DLGAP5: variants seen among roughly 807,000 people sequenced by gnomAD.
DLGAP5 encodes DLG associated protein 5, also known as disks large-associated protein 5.
A neutral mutation model predicts 99.6 loss-of-function variants in DLGAP5; 90 were observed. That is an observed-to-expected ratio of 0.90 (90% CI 0.76 to 1.08). The LOEUF is 1.08. DLGAP5 is among the 50% of genes least tolerant of loss of function. DLGAP5 has a pLI of 0.00. For synonymous variants in DLGAP5, 311 were observed against 321.3 expected, an observed-to-expected ratio of 0.97 and a Z score of 0.34; for missense variants, 1,036 against 983.5, an observed-to-expected ratio of 1.05 and a Z score of -0.71.
intron 14 of DLGAP5, among the ~76,000 whole-genome samples, chr14:55,155,964 G>A (rs1298752093): frequency 5.3e-5 from 8 of 151,866 alleles, no homozygotes; most frequent in Admixed American, 2.0e-4. Flanking sequence ...GGTGGCAGGC[G>A]CCTGTAGTCC....
chr14:55,160,199 T>C (rs910429780), intron 13 of DLGAP5, among the ~76,000 whole-genome samples: 3 of 151,048 alleles, frequency 2.0e-5, no homozygotes, highest in Non-Finnish European at 4.4e-5. Context: ...CTAGACTCTA[T>C]CTCAAAAAAT....
chr14:55,157,071 C>A (rs938110691), intron 14 of DLGAP5, among the ~76,000 whole-genome samples: 4 of 152,148 alleles, frequency 2.6e-5, no homozygotes, highest in African/African-American at 9.7e-5. Context: ...CCAAAAGACT[C>A]CAGTAAGAAT....
intron 2 of DLGAP5, among the ~76,000 whole-genome samples, chr14:55,184,026 A>G (rs1883355480): frequency 6.6e-6 from 1 of 151,996 alleles, no homozygotes; most frequent in South Asian, 2.1e-4. Context: ...GGTGGCGGTC[A>G]CCTGTAATCC....
In DLGAP5 at chr14:55,170,741, C is replaced by G. The variant is rs80024343; in HGVS notation, c.1348G>C (p.Glu450Gln). 1.8e-4 allele frequency: 295 copies of G among 1,613,638 alleles called. 1 individual carries two copies. The highest frequency in any genetic ancestry group is 2.4e-4 in the Non-Finnish European group (287 of 1,179,724). ...ETEKLTSHCF[E>Q]WDRKLELDIP... ...TCCAATTCAAGTTTCCTGTCCCACT[C>G]GAAGCAATGTGAAGTTAATTTCTCA... The change falls in exon 11 of 19, where the codon GAG becomes CAG. Residue 450 changes from glutamate (E) to glutamine (Q), a missense_variant. Coordinates refer to ENST00000247191, the MANE Select transcript of DLGAP5 (RefSeq NM_014750.5).
rs574799599 is a variant in DLGAP5 at position 55,175,007 on chromosome 14, A to T, written c.1301+339T>A. The stretch of plus-strand genomic sequence containing the variant: ...CCCAGCCTATTGTCCATATTTTTTA[A>T]AAAAGAAAAAAATGTACATGTTATA... On this transcript the variant is annotated intron_variant, in intron 10 of 18. Transcript: ENST00000247191. Among the ~76,000 whole-genome samples, 13 of 152,226 alleles carry T rather than the reference A, an allele frequency of 8.5e-5. 1 individual carries two copies. In the South Asian group the frequency reaches 2.7e-3, roughly 32 times the overall value.
intron 12 of DLGAP5, among the ~76,000 whole-genome samples, chr14:55,168,166 T>A (rs116358146): frequency 0.014 from 2,083 of 152,286 alleles, 55 homozygotes; most frequent in African/African-American, 0.047. Context: ...TTGCGCAGGC[T>A]GGTCTTGAAC....
rs1182442285 is a variant in DLGAP5 at position 55,183,714 on chromosome 14, A to G, written c.278T>C (p.Met93Thr). The G allele has an allele frequency of 3.1e-6, 5 of 1,606,958 alleles. No homozygotes were observed. The highest frequency in any genetic ancestry group is 4.2e-6 in the Non-Finnish European group (5 of 1,177,262). ...KTILGDQRKQMLQKYKEEKQL... is the reference protein window; with the variant it reads ...KTILGDQRKQTLQKYKEEKQL... ...CTTTTCTTCTTTGTATTTTTGGAGC[A>G]TCTGTTTTCGTTGATCACCTAGAAT... is the stretch of plus-strand genomic sequence containing the variant. Residue 93 changes from methionine to threonine, a missense_variant, in exon 3 of 19, where the codon ATG becomes ACG. By Grantham distance (81) the Met-to-Thr change is moderately conservative. Transcript: ENST00000247191.
At chr14:55,159,081 A>AT (rs1023781674) in intron 13 of DLGAP5, among the ~76,000 whole-genome samples, 2 of 149,928 alleles carry the variant, frequency 1.3e-5, no homozygotes, top group African/African-American at 5.0e-5. Flanking sequence ...AAAAAAGTAA[A>AT]TAAAAAAAAA....
intron 14 of DLGAP5, among the ~76,000 whole-genome samples, chr14:55,157,365 A>C (rs547315279): frequency 6.6e-6 from 1 of 152,348 alleles, no homozygotes; most frequent in East Asian, 1.9e-4. Flanking sequence ...CTGGGTATCC[A>C]GGGAGTGTAG....
chr14:55,162,884 G>T, intron 13 of DLGAP5, 87 bp downstream of exon 13: 1 of 547,576 alleles, frequency 1.8e-6, no homozygotes, highest in Non-Finnish European at 3.0e-6. Context: ...ACAAGAAGTA[G>T]AAGAATCTAT....
At chr14:55,155,174 G>A (rs898923814) in intron 14 of DLGAP5, among the ~76,000 whole-genome samples, 8 of 151,804 alleles carry the variant, frequency 5.3e-5, no homozygotes, top group African/African-American at 1.9e-4. Flanking sequence ...ACAGATGCAT[G>A]CCACCACGCC....
At chr14:55,179,786 G>A (rs1883217044) in intron 6 of DLGAP5, 87 bp from the exon 7 acceptor site, 4 of 1,068,886 alleles carry the variant, frequency 3.7e-6, no homozygotes, top group Non-Finnish European at 4.1e-6. Flanking sequence ...AGAAGCAACA[G>A]TAGGAATATA....
intron 10 of DLGAP5, among the ~76,000 whole-genome samples, chr14:55,171,334 T>A (rs941183584): frequency 2.6e-5 from 4 of 151,994 alleles, no homozygotes; most frequent in Non-Finnish European, 4.4e-5. Flanking sequence ...ACTGGAGGAG[T>A]GCTACTGGCC....
At position 55,158,640 on chromosome 14, in the gene DLGAP5, C is replaced by T; in HGVS notation, c.1755G>A (p.Glu585=). 1 of 1,605,860 alleles carries T rather than the reference C, an allele frequency of 6.2e-7. No individual in the cohort carries two copies. Among genetic ancestry groups the T allele is most frequent in the Non-Finnish European group, 8.5e-7 (1 of 1,172,736 alleles). The part of the protein sequence containing the change: ...RLAAIKNAMR[E]RIRQEECAET... ...CAGCACATTCTTCCTGCCTAATTCT[C>T]TCTCTCATTGCATTTTTTATGGCAG... Residue 585 remains glutamate (E), a synonymous_variant, in exon 14 of 19, where the codon GAG becomes GAA. Transcript: ENST00000247191.
intron 2 of DLGAP5, among the ~76,000 whole-genome samples, chr14:55,187,318 C>CTT (rs1194143957): frequency 0.024 from 2,980 of 126,694 alleles, 138 homozygotes; most frequent in African/African-American, 0.062. Context: ...CAAAGTGATC[C>CTT]TTTTTTTTTT....
At chr14:55,188,539 A>C (rs1022125621) in intron 2 of DLGAP5, among the ~76,000 whole-genome samples, 1 of 152,194 alleles carries the variant, frequency 6.6e-6, no homozygotes, top group African/African-American at 2.4e-5. Context: ...ATTTCTATGA[A>C]GCAATATAGA....
At chr14:55,150,700 A>C in intron 18 of DLGAP5, 99 bp downstream of exon 18, 2 of 918,530 alleles carry the variant, frequency 2.2e-6, no homozygotes, top group Non-Finnish European at 3.2e-6. Flanking sequence ...AACAATGACA[A>C]GATATACATT....
At chr14:55,169,658 C>T (rs1027072119) in intron 11 of DLGAP5, 99 bp from the exon 12 acceptor site, 2 of 1,076,760 alleles carry the variant, frequency 1.9e-6, no homozygotes, top group Non-Finnish European at 2.5e-6. Flanking sequence ...ATCCTAGGGC[C>T]TACAGGTTGT....
At chr14:55,188,303 T>A (rs569904829) in intron 2 of DLGAP5, among the ~76,000 whole-genome samples, 2 of 152,192 alleles carry the variant, frequency 1.3e-5, no homozygotes, top group Admixed American at 6.5e-5. Flanking sequence ...TCTATTTTCA[T>A]CTTTTTCTGA....
Sources: allele counts gnomAD v4.1 joint callset (sites outside exome capture counted in the v4.1 genomes callset), GRCh38; gene constraint gnomAD v4.1.1; transcripts MANE v1.5; gene names NCBI Gene and HGNC (gene_info 2026-07-23, HGNC 2026-07-21).